The following DENND2B variants were observed in gnomAD, a reference collection of about 807,000 sequenced individuals.
DENND2B encodes DENN domain-containing protein 2B.
Under a neutral mutation model 116.0 loss-of-function variants are expected in DENND2B, and 32 were observed. That is an observed-to-expected ratio of 0.28 (90% confidence interval 0.21 to 0.37). The LOEUF (loss-of-function observed/expected upper bound fraction) is 0.37. DENND2B is among the 10% of genes least tolerant of loss of function. DENND2B has a pLI of 1.00. For synonymous variants in DENND2B, 588 were observed against 583.9 expected (o/e 1.01, Z -0.10); for missense variants, 1,276 against 1,477.7 (o/e 0.86, Z 2.24).
intron 4 of DENND2B, among the ~76,000 whole-genome samples, chr11:8,834,900 A>C (rs981624409): frequency 2.0e-5 from 3 of 152,238 alleles, no homozygotes; most frequent in African/African-American, 7.2e-5. Flanking sequence ...AAGACACAAA[A>C]CAATACCTCT....
intron 4 of DENND2B, among the ~76,000 whole-genome samples, chr11:8,822,015 C>T (rs2061786537): frequency 6.6e-6 from 1 of 152,120 alleles, no homozygotes; most frequent in Admixed American, 6.5e-5. Flanking sequence ...TGGTCTCAAA[C>T]TTGTGAACTA....
In DENND2B at chr11:8,730,181, C is replaced by A; in HGVS notation, c.1109G>T (p.Ser370Ile). 6.2e-7 allele frequency: 1 copy of A among 1,613,972 alleles called. No homozygotes were observed. The highest frequency in any genetic ancestry group is 8.5e-7 in the Non-Finnish European group (1 of 1,179,874). Reference protein sequence around the residue: ...TKPGTPGNSPSSQRLPSKSSL... With the variant: ...TKPGTPGNSPISQRLPSKSSL... ...ACTCTTCGATGGCAGCCGCTGGGAG[C>A]TAGGGCTATTTCCAGGGGTCCCGGG... The change falls in exon 3 of 20, where the codon AGC becomes ATC. Residue 370 changes from serine (S) to isoleucine (I), a missense_variant. Ser to Ile is a moderately radical substitution (Grantham distance 142, BLOSUM62 -2). Transcript: ENST00000313726. The surrounding 1 kb of genome is among the most constrained non-coding windows in gnomAD (Gnocchi z 4.1).
intron 1 of DENND2B, among the ~76,000 whole-genome samples, chr11:8,777,232 AC>A (rs778450367): frequency 1.6e-4 from 25 of 152,006 alleles, no homozygotes; most frequent in Non-Finnish European, 3.2e-4. Context: ...CCAGTGTGCC[AC>A]CCCCACCCAG....
chr11:8,761,123 A>C (rs2134114666), intron 1 of DENND2B, among the ~76,000 whole-genome samples: 1 of 152,288 alleles, frequency 6.6e-6, no homozygotes, highest in East Asian at 1.9e-4. Context: ...CAGATCCTGC[A>C]GAGGTTTAAA....
chr11:8,900,510 G>A (rs1476328254), intron 1 of DENND2B, among the ~76,000 whole-genome samples: 2 of 151,496 alleles, frequency 1.3e-5, no homozygotes, highest in African/African-American at 2.4e-5. Context: ...GAGTTGGGGG[G>A]ATCACTTGAG....
intron 6 of DENND2B, 48 bp downstream of exon 6, chr11:8,715,555 T>C: frequency 6.3e-7 from 1 of 1,593,550 alleles, no homozygotes; most frequent in Middle Eastern, 1.7e-4. Flanking sequence ...GCTGGCTGCC[T>C]GCCCGCCCAC....
intron 2 of DENND2B, among the ~76,000 whole-genome samples, chr11:8,867,056 G>T (rs2134695651): frequency 6.6e-6 from 1 of 152,310 alleles, no homozygotes; most frequent in Non-Finnish European, 1.5e-5. Flanking sequence ...TCACTTTTCT[G>T]CCTGTCAAGC....
intron 3 of DENND2B, among the ~76,000 whole-genome samples, chr11:8,857,140 G>C (rs2063221567): frequency 6.6e-6 from 1 of 152,024 alleles, no homozygotes; most frequent in Non-Finnish European, 1.5e-5. Context: ...TTATCATCTG[G>C]ATACTAAAAT....
chr11:8,741,099 C>T (rs2133987525), intron 2 of DENND2B, among the ~76,000 whole-genome samples: 1 of 152,338 alleles, frequency 6.6e-6, no homozygotes, highest in Admixed American at 6.5e-5. Flanking sequence ...TCAACAGGGT[C>T]CAGGGCAGCC....
intron 1 of DENND2B, chr11:8,776,133 C>A: frequency 2.7e-6 from 1 of 375,964 alleles, no homozygotes; most frequent in Non-Finnish European, 5.2e-6. Flanking sequence ...TGCACACAGA[C>A]ACGCACGTGC....
At chr11:8,770,751 G>T (rs2056714020) in intron 1 of DENND2B, among the ~76,000 whole-genome samples, 1 of 152,064 alleles carries the variant, frequency 6.6e-6, no homozygotes, top group South Asian at 2.1e-4. Flanking sequence ...AAGTGCAGGG[G>T]CATCATTATA....
At position 8,797,458 on chromosome 11, in the gene DENND2B, C is replaced by CTTCTTCCCCT. The variant is rs1201824187; in HGVS notation, c.-26+13049_-26+13058dup. 1.7e-3 allele frequency among the ~76,000 whole-genome samples: 223 copies of CTTCTTCCCCT among 128,562 alleles called. 2 individuals carry two copies. Among genetic ancestry groups the CTTCTTCCCCT allele is most frequent in the African/African-American group, 6.0e-3 (219 of 36,580 alleles). The allele number at this position is 128,562 out of a possible 152,430, so 84.3% of individuals were successfully genotyped here. On this transcript the variant is annotated intron_variant, in intron 1 of 19. Coordinates refer to ENST00000313726, the MANE Select transcript of DENND2B (RefSeq NM_213618.2). Reference sequence around the variant, plus strand: ...TCCCCCTTCTTCCCCCTTCTTCCTCCTTCTTCCCCTTTCTTCCCCTTCTTC... The same window carrying CTTCTTCCCCT: ...TCCCCCTTCTTCCCCCTTCTTCCTCCTTCTTCCCCTTTCTTCCCCTTTCTTCCCCTTCTTC...
At chr11:8,737,309 G>C (rs1034051776) in intron 2 of DENND2B, among the ~76,000 whole-genome samples, 1 of 152,226 alleles carries the variant, frequency 6.6e-6, no homozygotes, top group Non-Finnish European at 1.5e-5. Context: ...AGAAGAACTA[G>C]CCAAGGAGAC....
intron 1 of DENND2B, among the ~76,000 whole-genome samples, chr11:8,778,355 A>G (rs758053384): frequency 3.3e-5 from 5 of 152,180 alleles, no homozygotes; most frequent in Non-Finnish European, 7.4e-5. Context: ...CCAAGGCTGA[A>G]GAGAAGACCT....
At chr11:8,711,862 C>T (rs375487697) in intron 9 of DENND2B, 9 of 370,786 alleles carry the variant, frequency 2.4e-5, no homozygotes, top group Admixed American at 6.4e-5. Context: ...AGCGAAACTC[C>T]GTCTCGAATA....
chr11:8,878,984 T>C (rs2063873991), intron 2 of DENND2B, among the ~76,000 whole-genome samples: 1 of 152,242 alleles, frequency 6.6e-6, no homozygotes, highest in Admixed American at 6.5e-5. Flanking sequence ...ATATTGTGAC[T>C]ATAATTAATG....
chr11:8,787,280 T>C (rs1460482227), intron 1 of DENND2B: 1 of 152,210 alleles, frequency 6.6e-6, no homozygotes. Flanking sequence ...GCAAGATTTA[T>C]ATGTAAGTAA....
rs531099888 is a variant in DENND2B, at chr11:8,807,104, G to T, written c.-26+3413C>A. 5.3e-5 allele frequency among the ~76,000 whole-genome samples: 8 copies of T among 152,286 alleles called. No individual in the cohort carries two copies. In the East Asian group the frequency reaches 1.5e-3, roughly 29 times the overall value. On this transcript the variant is annotated intron_variant, in intron 1 of 19. Coordinates refer to ENST00000313726, the MANE Select transcript of DENND2B (RefSeq NM_213618.2). ...AGGAAGGCCAAGCCAGGGCTCGGAA[G>T]GGCTGCTGCCAGGCCTCCTCCAGCC... is the stretch of plus-strand genomic sequence containing the variant.
At position 8,702,653 on chromosome 11, in the gene DENND2B, C is replaced by G. The variant is rs770223717; in HGVS notation, c.2639G>C (p.Cys880Ser). 1 of 1,614,022 alleles carries G rather than the reference C, an allele frequency of 6.2e-7. No homozygotes were observed. The highest frequency in any genetic ancestry group is 1.1e-5 in the South Asian group (1 of 91,090). Residue 880 changes from cysteine (C) to serine (S), a missense_variant, in exon 14 of 20, where the codon TGC becomes TCC. Physicochemically the swap from Cys to Ser is moderately radical, Grantham distance 112. Around this residue, in one of 2 missense-constraint regions of DENND2B, gnomAD observed 420 missense variants for 631.1 expected, o/e 0.67. Coordinates refer to ENST00000313726, the MANE Select transcript of DENND2B (RefSeq NM_213618.2). The surrounding 1 kb of genome is among the most constrained non-coding windows in gnomAD (Gnocchi z 4.6). The part of the protein sequence containing the change: ...EHVDFECLFT[C>S]LSVRQLIRIF... The stretch of plus-strand genomic sequence containing the variant: ...TCGGATGAGCTGGCGCACACTGAGG[C>G]AGGTAAAAAGGCACTCAAAGTCCAC...
Sources: gnomAD v4.1 joint callset for allele counts (sites outside exome capture counted in the v4.1 genomes callset) on GRCh38, gnomAD v4.1.1 for gene constraint, gnomAD v4.1.1 regional missense constraint, Gnocchi (gnomAD v3.1) non-coding constraint, MANE v1.5 for transcripts, NCBI Gene and HGNC (gene_info 2026-07-23, HGNC 2026-07-21) for gene names.